FANCD2: variants seen among roughly 807,000 people sequenced by gnomAD.
The protein encoded by FANCD2 is FA complementation group D2, also known as Fanconi anemia group D2 protein.
A neutral mutation model predicts 192.3 loss-of-function variants in FANCD2; 131 were observed. The observed-to-expected ratio is 0.68, with a 90% CI of 0.59 to 0.79. The LOEUF is 0.79. Ranked by LOEUF, FANCD2 falls within the 30% of genes least tolerant of loss-of-function variation. The pLI is 0.00. For missense variants in FANCD2, 1,508 were observed against 1,701.6 expected (o/e 0.89, Z 2.00); for synonymous variants, 524 against 612.5 (o/e 0.86, Z 2.13).
intron 25 of FANCD2, among the ~76,000 whole-genome samples, chr3:10,066,608 A>G (rs751909526): frequency 3.3e-5 from 5 of 152,252 alleles, no homozygotes; most frequent in Non-Finnish European, 7.3e-5. Flanking sequence ...GACTCAGCCA[A>G]GGTCACACAG....
intron 17 of FANCD2, among the ~76,000 whole-genome samples, chr3:10,051,593 G>A (rs987332769): frequency 5.9e-5 from 9 of 151,962 alleles, no homozygotes; most frequent in East Asian, 3.9e-4. Flanking sequence ...AGTCAATGTC[G>A]AGAAGCATCA....
intron 43 of FANCD2, among the ~76,000 whole-genome samples, chr3:10,100,401 TCTCC>T (rs1284983859): frequency 6.6e-6 from 1 of 152,000 alleles, no homozygotes; most frequent in Non-Finnish European, 1.5e-5. Flanking sequence ...TGAGACGGAG[TCTCC>T]CTCTGTCGCC....
At chr3:10,044,109 A>C (rs778052246) in intron 14 of FANCD2, among the ~76,000 whole-genome samples, 15 of 152,304 alleles carry the variant, frequency 9.8e-5, no homozygotes, top group Middle Eastern at 3.4e-3. Context: ...AAATACTAAC[A>C]GTGTAAACAA....
Position 10,051,252 on chromosome 3 carries a change from G to A in FANCD2, c.1546-1135G>A, listed in dbSNP as rs1322655227. Among the ~76,000 whole-genome samples, 6 of 143,910 alleles carry A rather than the reference G, an allele frequency of 4.2e-5. No individual in the cohort carries two copies. The South Asian group carries it at 1.4e-3, about 32-fold the overall frequency. 94.4% of individuals were successfully genotyped at this position (143,910 alleles called of 152,430 possible). A position where few individuals can be genotyped will look rare whatever the true frequency, so the allele number is the denominator to read the frequency against. ...AAAAATTAGCCGGGCGTAGTGGTGG[G>A]CGCCTGTAGTCCCAGCTACTTGGGA... On this transcript the variant is annotated intron_variant, in intron 17 of 43. Transcript: ENST00000675286.
Position 10,034,727 on chromosome 3 carries a change from T to G in FANCD2, c.306T>G (p.Ser102=). The G allele has an allele frequency of 6.4e-7, 1 of 1,572,206 alleles. No individual in the cohort carries two copies. Among genetic ancestry groups the G allele is most frequent in the Non-Finnish European group, 8.6e-7 (1 of 1,158,384 alleles). Residue 102 remains serine (S), a synonymous_variant, in exon 5 of 44, where the codon TCT becomes TCG. Coordinates refer to ENST00000675286, the MANE Select transcript of FANCD2 (RefSeq NM_001018115.3). ...AAGAATTTGTTAGTGGCCTGGAGTCTTACATTGAGGATGAAGACAGTTTCA... is the reference window on the plus strand; with the variant it reads ...AAGAATTTGTTAGTGGCCTGGAGTCGTACATTGAGGATGAAGACAGTTTCA... ...IIEEFVSGLE[S]YIEDEDSFRN...
In FANCD2 at chr3:10,065,375, A is replaced by G; in HGVS notation, c.2169-19A>G. The G allele has an allele frequency of 1.3e-6, 2 of 1,563,946 alleles. No individual in the cohort carries two copies. The highest frequency in any genetic ancestry group is 1.8e-6 in the Non-Finnish European group (2 of 1,134,262). On this transcript the variant is annotated intron_variant, in intron 23 of 43. Transcript: ENST00000675286. ...TACACCTATGAAGTGTGGTCTAGAA[A>G]TTTATTTCTCCTTCTCAGATTGGTG...
At chr3:10,033,444 C>T (rs1483207772) in intron 3 of FANCD2, among the ~76,000 whole-genome samples, 1 of 151,912 alleles carries the variant, frequency 6.6e-6, no homozygotes, top group African/African-American at 2.4e-5. Context: ...AGTCTTTGGT[C>T]CTCATTACTA....
At chr3:10,095,786 C>T (rs139114811) in intron 41 of FANCD2, among the ~76,000 whole-genome samples, 5 of 152,032 alleles carry the variant, frequency 3.3e-5, no homozygotes. Flanking sequence ...CCCTAGAGTT[C>T]TGCAGTCACT....
At chr3:10,096,204 A>G in intron 41 of FANCD2, 122 bp from the exon 42 acceptor site, 1 of 964,184 alleles carries the variant, frequency 1.0e-6, no homozygotes, top group Non-Finnish European at 1.7e-6. Context: ...GTTTGATGGA[A>G]CATACCGTTG....
intron 39 of FANCD2, among the ~76,000 whole-genome samples, chr3:10,094,029 C>G (rs1381524361): frequency 1.3e-5 from 2 of 152,212 alleles, no homozygotes; most frequent in African/African-American, 2.4e-5. Context: ...TGCTCTCACT[C>G]CTAAGCTGAG....
At chr3:10,065,696 G>C (rs953123576) in intron 24 of FANCD2, among the ~76,000 whole-genome samples, 168 bp from the exon 25 acceptor site, 3 of 152,164 alleles carry the variant, frequency 2.0e-5, no homozygotes, top group Non-Finnish European at 2.9e-5. Context: ...AAACTTTCTA[G>C]TTATATTTGT....
At position 10,095,252 on chromosome 3, in the gene FANCD2, A is replaced by G. The variant is rs1559408827; in HGVS notation, c.4016A>G (p.His1339Arg). Residue 1339 changes from histidine to arginine, a missense_variant, in exon 41 of 44, where the codon CAT (histidine) becomes CGT (arginine). By Grantham distance (29) the His-to-Arg change is conservative. Coordinates refer to ENST00000675286, the MANE Select transcript of FANCD2 (RefSeq NM_001018115.3). ...ETFQLDTRLL[H>R]HLCGHSKIHQ... The stretch of plus-strand genomic sequence containing the variant: ...TTCCAGTTGGACACAAGGCTGCTTC[A>G]TCACCTGTGTGGGCATTCCAAGGTA... 2 of 1,614,150 alleles carry G rather than the reference A, an allele frequency of 1.2e-6. No homozygotes were observed. Among genetic ancestry groups the G allele is most frequent in the Non-Finnish European group, 8.5e-7 (1 of 1,179,984 alleles).
chr3:10,054,467 ATATATATTTTTTTTTTTTTT>A (rs1246160708), intron 18 of FANCD2, among the ~76,000 whole-genome samples: 1 of 25,030 alleles, frequency 4.0e-5, no homozygotes, highest in Non-Finnish European at 6.9e-5. Context: ...ATATATATAT[ATATATATTTTTTTTTTTTTT>A]TTTTTTTTTT....
chr3:10,063,760 A>G (rs1288063543), intron 20 of FANCD2, 32 bp from the exon 21 acceptor site: 3 of 1,613,750 alleles, frequency 1.9e-6, no homozygotes, highest in Non-Finnish European at 1.7e-6. Context: ...TTGGCAGCCC[A>G]AGGTTTAAAC....
chr3:10,066,057 C>T (rs1209873751), intron 25 of FANCD2, 78 bp downstream of exon 25: 5 of 898,052 alleles, frequency 5.6e-6, no homozygotes, highest in Non-Finnish European at 8.9e-6. Flanking sequence ...CCACAAGACT[C>T]CCTAGAAGTC....
chr3:10,031,419 A>C (rs35650217), intron 2 of FANCD2, among the ~76,000 whole-genome samples: 1 of 151,256 alleles, frequency 6.6e-6, no homozygotes, highest in Admixed American at 6.6e-5. Context: ...GGAGAATGGC[A>C]TGAACCCGGG....
intron 33 of FANCD2, 92 bp from the exon 34 acceptor site, chr3:10,087,042 T>C: frequency 7.1e-7 from 1 of 1,411,168 alleles, no homozygotes. Context: ...CGTCAAACAC[T>C]GAAAGGGACT....
At position 10,048,067 on chromosome 3, in the gene FANCD2, T is replaced by C; in HGVS notation, c.1413+16T>C. 1 of 1,614,200 alleles carries C rather than the reference T, an allele frequency of 6.2e-7. No homozygotes were observed. The highest frequency in any genetic ancestry group is 8.5e-7 in the Non-Finnish European group (1 of 1,180,038). On this transcript the variant is annotated intron_variant, in intron 16 of 43. Transcript: ENST00000675286. ...CTGCCAGCAGGTATGTTGAAACATT[T>C]ATTTTGGCAAGGAGGGAACACAGAA...
chr3:10,073,112 T>A lies in FANCD2; in HGVS notation c.2605+131T>A, dbSNP rs534857324. 5.6e-5 allele frequency: 48 copies of A among 859,132 alleles called. 1 individual carries two copies. In the South Asian group the frequency reaches 6.5e-4, roughly 12 times the overall value. 53.2% of individuals were successfully genotyped at this position (859,132 alleles called of 1,614,324 possible). ...CTGAACTCTTCCTTTATTAGATTTA[T>A]AAATATACTGTAATTTAGGGTTATA... On this transcript the variant is annotated intron_variant, in intron 27 of 43. Transcript: ENST00000675286.
Sources: gnomAD v4.1 joint callset for allele counts (sites outside exome capture counted in the v4.1 genomes callset) on GRCh38, gnomAD v4.1.1 for gene constraint, MANE v1.5 for transcripts, NCBI Gene and HGNC (gene_info 2026-07-23, HGNC 2026-07-21) for gene names.